Variants in KLHL20 observed in about 807,000 individuals in gnomAD.
KLHL20 encodes kelch-like protein 20.
In KLHL20, 29 loss-of-function variants were observed where a neutral mutation model predicts 69.5. That is an observed-to-expected ratio of 0.42 (90% confidence interval 0.31 to 0.57). The LOEUF (loss-of-function observed/expected upper bound fraction) is 0.57. KLHL20 is among the 20% of genes least tolerant of loss of function. The pLI is 0.18. For missense variants in KLHL20, 419 were observed against 776.0 expected (o/e 0.54, Z 5.47); for synonymous variants, 253 against 265.2 (o/e 0.95, Z 0.45).
At chr1:173,756,140 A>C (rs1019129695) in intron 6 of KLHL20, 102 bp downstream of exon 6, 2 of 794,200 alleles carry the variant, frequency 2.5e-6, no homozygotes, top group South Asian at 1.6e-5. Flanking sequence ...CTGTCATAAG[A>C]CACAAATAAT....
intron 3 of KLHL20, among the ~76,000 whole-genome samples, chr1:173,749,303 T>C (rs1050566654): frequency 2.0e-5 from 3 of 152,220 alleles, no homozygotes; most frequent in Non-Finnish European, 2.9e-5. Context: ...ATGACTTTGC[T>C]TAGTCATTCG....
intron 1 of KLHL20, 53 bp from the exon 2 acceptor site, chr1:173,715,950 C>A: frequency 8.0e-7 from 1 of 1,249,150 alleles, no homozygotes; most frequent in Non-Finnish European, 1.2e-6. Flanking sequence ...AAGATTGTTA[C>A]TGTAAAGATC....
chr1:173,780,759 C>T (rs988223911), intron 10 of KLHL20, among the ~76,000 whole-genome samples: 5 of 152,014 alleles, frequency 3.3e-5, no homozygotes, highest in Non-Finnish European at 7.4e-5. Flanking sequence ...GAGATGGAGT[C>T]TTGCTCTGTC....
At chr1:173,735,604 G>GT (rs1158330021) in intron 3 of KLHL20, among the ~76,000 whole-genome samples, 3 of 152,108 alleles carry the variant, frequency 2.0e-5, no homozygotes, top group Non-Finnish European at 4.4e-5. Flanking sequence ...CAGGACCATA[G>GT]TTTTTTTCCC....
intron 3 of KLHL20, among the ~76,000 whole-genome samples, chr1:173,739,060 T>C (rs1672669082): frequency 6.6e-6 from 1 of 152,026 alleles, no homozygotes; most frequent in Admixed American, 6.6e-5. Context: ...ATAGTGTCCA[T>C]AGGATTGGTA....
In KLHL20 at chr1:173,785,608, A is replaced by G. The variant is rs1369600040; in HGVS notation, c.*361A>G. 1.3e-5 allele frequency: 2 copies of G among 155,190 alleles called. No homozygotes were observed. Among genetic ancestry groups the G allele is most frequent in the African/African-American group, 4.8e-5 (2 of 41,544 alleles). The allele number at this position is 155,190 out of a possible 1,614,324, so 9.6% of individuals were successfully genotyped here. ...ACTATTTAATAAGGGCAGAAGGGCT[A>G]TATATGATTTGGCTATTATTTCTAG... is the stretch of plus-strand genomic sequence containing the variant. On this transcript the variant is annotated 3_prime_UTR_variant, in exon 12 of 12. Coordinates refer to ENST00000209884, the MANE Select transcript of KLHL20 (RefSeq NM_014458.4).
At chr1:173,750,591 T>C (rs1316413330) in intron 3 of KLHL20, among the ~76,000 whole-genome samples, 1 of 152,062 alleles carries the variant, frequency 6.6e-6, no homozygotes, top group Non-Finnish European at 1.5e-5. Context: ...GTTCAAGTGA[T>C]TCTCCTGCCT....
intron 4 of KLHL20, among the ~76,000 whole-genome samples, 171 bp from the exon 5 acceptor site, chr1:173,753,042 A>G (rs549870848): frequency 6.6e-6 from 1 of 152,166 alleles, no homozygotes. Context: ...GCATGGTGGC[A>G]TGCACTTGTA....
At chr1:173,755,428 G>A (rs1221214924) in intron 5 of KLHL20, among the ~76,000 whole-genome samples, 9 of 152,162 alleles carry the variant, frequency 5.9e-5, no homozygotes, top group Non-Finnish European at 1.5e-5. Flanking sequence ...CGGTAGACTT[G>A]TTGAGAGTAA....
intron 11 of KLHL20, among the ~76,000 whole-genome samples, chr1:173,782,732 C>A (rs1307792345): frequency 6.6e-6 from 1 of 152,148 alleles, no homozygotes; most frequent in Non-Finnish European, 1.5e-5. Context: ...GAGGCTACAT[C>A]TTATTTAAGA....
intron 8 of KLHL20, among the ~76,000 whole-genome samples, chr1:173,772,010 G>T (rs955233085): frequency 6.6e-6 from 1 of 152,154 alleles, no homozygotes; most frequent in Non-Finnish European, 1.5e-5. Flanking sequence ...AGAAGAAAAG[G>T]TTGCAAAATA....
At chr1:173,737,821 TATTG>T (rs1672605064) in intron 3 of KLHL20, among the ~76,000 whole-genome samples, 1 of 152,248 alleles carries the variant, frequency 6.6e-6, no homozygotes, top group South Asian at 2.1e-4. Flanking sequence ...ATTTTCACAA[TATTG>T]ATTCTACCCA....
rs968321917 is a variant in KLHL20 at position 173,774,183 on chromosome 1, T to G, written c.1296-122T>G. On this transcript the variant is annotated intron_variant, in intron 8 of 11. Coordinates refer to ENST00000209884, the MANE Select transcript of KLHL20 (RefSeq NM_014458.4). ...AATGACTAAGTAAAATGTTAGATTT[T>G]CATTGCACATTTGACTATAGCAAGT... 7 of 1,137,790 alleles carry G rather than the reference T, an allele frequency of 6.2e-6. No homozygotes were observed. In the African/African-American group the frequency reaches 1.1e-4, roughly 18 times the overall value. The allele number at this position is 1,137,790 out of a possible 1,614,324, so 70.5% of individuals were successfully genotyped here. A position where few individuals can be genotyped will look rare whatever the true frequency, so the allele number is the denominator to read the frequency against.
intron 3 of KLHL20, among the ~76,000 whole-genome samples, chr1:173,743,551 A>C (rs867928833): frequency 2.6e-5 from 4 of 151,074 alleles, no homozygotes; most frequent in South Asian, 2.1e-4. Flanking sequence ...AAAAAAAAAA[A>C]CTCCATTTTC....
At position 173,773,562 on chromosome 1, in the gene KLHL20, G is replaced by T. The variant is rs559305205; in HGVS notation, c.1296-743G>T. 3.9e-5 allele frequency among the ~76,000 whole-genome samples: 6 copies of T among 152,060 alleles called. No homozygotes were observed. In the East Asian group the frequency reaches 9.7e-4, roughly 24 times the overall value. On this transcript the variant is annotated intron_variant, in intron 8 of 11. Coordinates refer to ENST00000209884, the MANE Select transcript of KLHL20 (RefSeq NM_014458.4). ...GGTTGTCTCAAAGAACTATGCAAAA[G>T]ACTTCTACTTTCTAATAGGATGTAG...
At position 173,715,639 on chromosome 1, in the gene KLHL20, C is replaced by T. The variant is rs1220132848; in HGVS notation, c.-41-364C>T. ...ATTCGTTATTAAAGCCTCGTGTACC[C>T]TATGTGATCTATCAGGTTAGTACTG... On this transcript the variant is annotated intron_variant, in intron 1 of 11. Coordinates refer to ENST00000209884, the MANE Select transcript of KLHL20 (RefSeq NM_014458.4). 1.7e-5 allele frequency: 3 copies of T among 172,050 alleles called. No homozygotes were observed. In the East Asian group the frequency reaches 4.7e-4, roughly 27 times the overall value. 10.7% of individuals were successfully genotyped at this position (172,050 alleles called of 1,614,324 possible). A position where few individuals can be genotyped will look rare whatever the true frequency, so the allele number is the denominator to read the frequency against.
intron 3 of KLHL20, among the ~76,000 whole-genome samples, chr1:173,744,201 G>A (rs1183782059): frequency 1.3e-5 from 2 of 152,080 alleles, no homozygotes; most frequent in Non-Finnish European, 2.9e-5. Context: ...CAGATAAGAA[G>A]GGAATTTCAG....
intron 3 of KLHL20, among the ~76,000 whole-genome samples, 184 bp from the exon 4 acceptor site, chr1:173,751,580 T>G (rs759159472): frequency 3.9e-5 from 6 of 152,258 alleles, no homozygotes; most frequent in Non-Finnish European, 7.3e-5. Context: ...TTATTTTTAC[T>G]AAATTTTAAT....
At chr1:173,716,167 T>C (rs999659894) in intron 2 of KLHL20, 101 bp downstream of exon 2, 67 of 1,040,150 alleles carry the variant, frequency 6.4e-5, no homozygotes, top group Middle Eastern at 2.1e-4. Context: ...AAATTCTGCT[T>C]GGAACTAATG....
Sources: allele counts gnomAD v4.1 joint callset (sites outside exome capture counted in the v4.1 genomes callset), GRCh38; gene constraint gnomAD v4.1.1; transcripts MANE v1.5; gene names NCBI Gene and HGNC (gene_info 2026-07-23, HGNC 2026-07-21).